Variants in ADGRB3 observed in about 807,000 individuals in gnomAD.
The protein encoded by ADGRB3 is brain-specific angiogenesis inhibitor 3.
A neutral mutation model predicts 193.4 loss-of-function variants in ADGRB3; 37 were observed. The observed-to-expected ratio is 0.19, with a 90% confidence interval of 0.15 to 0.25. The LOEUF (loss-of-function observed/expected upper bound fraction) is 0.25. Among genes scored for constraint, ADGRB3 ranks in the 10% least tolerant of loss-of-function variants. The probability of loss-of-function intolerance (pLI) is 1.00; values close to 1 mark genes in which losing one functional copy is unlikely to be tolerated. For missense variants in ADGRB3, 1,637 were observed against 1,852.9 expected, an observed-to-expected ratio of 0.88 and a Z score of 2.14; for synonymous variants, 690 against 644.2, an observed-to-expected ratio of 1.07 and a Z score of -1.08.
intron 31 of ADGRB3, among the ~76,000 whole-genome samples, chr6:69,388,362 T>A (rs1322354200): frequency 1.3e-5 from 2 of 152,114 alleles, no homozygotes; most frequent in Non-Finnish European, 2.9e-5. Context: ...ACATTTAATC[T>A]TAGTGGTGAC....
intron 6 of ADGRB3, among the ~76,000 whole-genome samples, chr6:68,948,496 C>T (rs1767832344): frequency 6.6e-6 from 1 of 152,122 alleles, no homozygotes; most frequent in Admixed American, 6.6e-5. Context: ...TATATATACC[C>T]AAAATAAAAT....
At chr6:69,060,479 G>A (rs1771716652) in intron 15 of ADGRB3, among the ~76,000 whole-genome samples, 2 of 151,930 alleles carry the variant, frequency 1.3e-5, no homozygotes, top group South Asian at 4.2e-4. Context: ...TGACAAAATT[G>A]CAATCTTCTT....
At chr6:68,726,897 G>A (rs1582151624) in intron 3 of ADGRB3, among the ~76,000 whole-genome samples, 1 of 151,518 alleles carries the variant, frequency 6.6e-6, no homozygotes, top group South Asian at 2.1e-4. Context: ...TTTGGATGCT[G>A]CACACTCTGG....
chr6:69,325,484 G>A (rs1398500640), intron 21 of ADGRB3, among the ~76,000 whole-genome samples: 1 of 152,028 alleles, frequency 6.6e-6, no homozygotes, highest in Non-Finnish European at 1.5e-5. Flanking sequence ...GAGAATTAAT[G>A]AAACCTCACA....
At chr6:69,085,848 A>G (rs1031668942) in intron 17 of ADGRB3, among the ~76,000 whole-genome samples, 2 of 151,792 alleles carry the variant, frequency 1.3e-5, no homozygotes, top group African/African-American at 4.8e-5. Flanking sequence ...ATAGATTTGA[A>G]TGAACATCGG....
At chr6:68,834,925 T>C (rs1245099015) in intron 3 of ADGRB3, among the ~76,000 whole-genome samples, 5 of 152,058 alleles carry the variant, frequency 3.3e-5, no homozygotes, top group Admixed American at 6.6e-5. Context: ...ATTTTTTTTT[T>C]CCTCAAACTA....
intron 17 of ADGRB3, among the ~76,000 whole-genome samples, chr6:69,183,754 T>C (rs1315573264): frequency 6.6e-6 from 1 of 152,132 alleles, no homozygotes; most frequent in Non-Finnish European, 1.5e-5. Context: ...TAAGTTGATA[T>C]CAGACTTTCT....
At chr6:68,706,982 G>C (rs1436418793) in intron 3 of ADGRB3, among the ~76,000 whole-genome samples, 1 of 151,870 alleles carries the variant, frequency 6.6e-6, no homozygotes, top group Non-Finnish European at 1.5e-5. Flanking sequence ...ATGGTGGCGG[G>C]TACCTGTAGA....
intron 3 of ADGRB3, among the ~76,000 whole-genome samples, chr6:68,712,327 C>A (rs1312309105): frequency 6.6e-6 from 1 of 151,970 alleles, no homozygotes; most frequent in Non-Finnish European, 1.5e-5. Context: ...TTGATCGACA[C>A]CACAGGCATT....
At chr6:69,045,422 G>A (rs1040750303) in intron 13 of ADGRB3, among the ~76,000 whole-genome samples, 2 of 151,614 alleles carry the variant, frequency 1.3e-5, no homozygotes, top group Non-Finnish European at 2.9e-5. Context: ...AATCTCATCA[G>A]TGTATGAAAG....
intron 16 of ADGRB3, among the ~76,000 whole-genome samples, chr6:69,068,230 G>A (rs1300589614): frequency 6.6e-6 from 1 of 152,114 alleles, no homozygotes; most frequent in Admixed American, 6.6e-5. Context: ...CAAGCCAAAA[G>A]GGATGTTTGT....
At chr6:69,340,912 A>G (rs915928143) in intron 26 of ADGRB3, among the ~76,000 whole-genome samples, 3 of 152,094 alleles carry the variant, frequency 2.0e-5, no homozygotes, top group African/African-American at 7.2e-5. Context: ...ATGGTTTCCA[A>G]CTTCATCCAT....
At chr6:69,193,034 T>G (rs1184131672) in intron 17 of ADGRB3, among the ~76,000 whole-genome samples, 2 of 152,080 alleles carry the variant, frequency 1.3e-5, no homozygotes, top group African/African-American at 4.8e-5. Context: ...ATATCACGAG[T>G]CCTAAACTGT....
chr6:68,850,124 G>A (rs546065041), intron 3 of ADGRB3, among the ~76,000 whole-genome samples: 1 of 151,348 alleles, frequency 6.6e-6, no homozygotes, highest in South Asian at 2.1e-4. Flanking sequence ...GTAACCTCAG[G>A]TCCCATAGTT....
At chr6:69,103,514 C>G (rs1561919899) in intron 17 of ADGRB3, among the ~76,000 whole-genome samples, 1 of 152,050 alleles carries the variant, frequency 6.6e-6, no homozygotes, top group Non-Finnish European at 1.5e-5. Flanking sequence ...AAAGAAGTCT[C>G]ATTTGCCAGT....
intron 17 of ADGRB3, among the ~76,000 whole-genome samples, chr6:69,206,294 G>A (rs533440057): frequency 1.3e-4 from 20 of 151,756 alleles, no homozygotes; most frequent in Non-Finnish European, 2.1e-4. Flanking sequence ...TTCTAGCTGC[G>A]CTGGCAACTG....
chr6:69,291,253 T>C (rs937851932), intron 20 of ADGRB3, among the ~76,000 whole-genome samples: 3 of 152,160 alleles, frequency 2.0e-5, no homozygotes, highest in African/African-American at 7.2e-5. Context: ...CTGTGATTAT[T>C]ATCATCATTA....
chr6:69,069,167 C>G (rs1771997773), intron 16 of ADGRB3, among the ~76,000 whole-genome samples: 1 of 152,096 alleles, frequency 6.6e-6, no homozygotes, highest in African/African-American at 2.4e-5. Context: ...TGGAACAGTA[C>G]TTATCATAAC....
intron 3 of ADGRB3, among the ~76,000 whole-genome samples, chr6:68,885,789 C>G (rs1765890703): frequency 6.6e-6 from 1 of 152,058 alleles, no homozygotes; most frequent in African/African-American, 2.4e-5. Context: ...TAGGGAAATA[C>G]TAGGATAAAA....
Sources: gnomAD v4.1 joint callset for allele counts (sites outside exome capture counted in the v4.1 genomes callset) on GRCh38, gnomAD v4.1.1 for gene constraint, MANE v1.5 for transcripts, NCBI Gene and HGNC (gene_info 2026-07-23, HGNC 2026-07-21) for gene names.